The following MSRA variants were observed in gnomAD, a reference collection of about 807,000 sequenced individuals.
MSRA encodes the protein mitochondrial peptide methionine sulfoxide reductase.
In MSRA, 54 loss-of-function variants were observed where a neutral mutation model predicts 31.3. The observed-to-expected ratio is 1.73, with a 90% CI of 1.39 to 2.17. MSRA has a LOEUF of 2.17. MSRA is among the 30% of genes most tolerant of loss of function. The pLI is 0.00. For missense variants in MSRA, 507 were observed against 300.9 expected, an observed-to-expected ratio of 1.69 and a Z score of -5.07; for synonymous variants, 169 against 116.5, an observed-to-expected ratio of 1.45 and a Z score of -2.90.
intron 3 of MSRA, among the ~76,000 whole-genome samples, chr8:10,249,835 A>G (rs1797825535): frequency 6.6e-6 from 1 of 152,218 alleles, no homozygotes; most frequent in African/African-American, 2.4e-5. Flanking sequence ...TGTTTCCTAC[A>G]AGCTCAGCAT....
chr8:10,277,991 T>G (rs1019515785), intron 3 of MSRA, among the ~76,000 whole-genome samples: 3 of 152,226 alleles, frequency 2.0e-5, no homozygotes, highest in Non-Finnish European at 2.9e-5. Context: ...AGGGGCAAGT[T>G]GTAAACCTCT....
At chr8:10,197,219 T>A (rs1270740271) in intron 1 of MSRA, among the ~76,000 whole-genome samples, 2 of 152,224 alleles carry the variant, frequency 1.3e-5, no homozygotes, top group African/African-American at 4.8e-5. Context: ...AAAAGTCAGG[T>A]GGAAAATTTC....
At chr8:10,250,617 C>A in intron 3 of MSRA, 1 of 624,530 alleles carries the variant, frequency 1.6e-6, no homozygotes, top group African/African-American at 1.8e-5. Context: ...TTCAAGCAGG[C>A]TGTTCAGCAG....
chr8:10,100,476 G>T (rs1045419909), intron 1 of MSRA, among the ~76,000 whole-genome samples: 1 of 151,932 alleles, frequency 6.6e-6, no homozygotes, highest in African/African-American at 2.4e-5. Flanking sequence ...GAAGGTCAAA[G>T]GTCTGTGGCC....
In MSRA at chr8:10,393,061, CAAAAAAAAA is replaced by C. The variant is rs768294679; in HGVS notation, c.544-35073_544-35065del. Among the ~76,000 whole-genome samples, 183 of 77,712 alleles carry C rather than the reference CAAAAAAAAA, an allele frequency of 2.4e-3. 1 individual carries two copies. The highest frequency in any genetic ancestry group is 9.5e-3 in the African/African-American group (170 of 17,948). The allele number at this position is 77,712 out of a possible 152,430, so 51.0% of individuals were successfully genotyped here. A position where few individuals can be genotyped will look rare whatever the true frequency, so the allele number is the denominator to read the frequency against. ...TGGACGACTGAGCGAGACTCCGTCT[CAAAAAAAAA>C]AAAAAAAAAAAAAGTTCTGTTGTTT... is the stretch of plus-strand genomic sequence containing the variant. On this transcript the variant is annotated intron_variant, in intron 5 of 5. Transcript: ENST00000317173.
At chr8:10,136,756 C>G (rs1192785850) in intron 1 of MSRA, among the ~76,000 whole-genome samples, 2 of 152,184 alleles carry the variant, frequency 1.3e-5, no homozygotes, top group Non-Finnish European at 2.9e-5. Flanking sequence ...GTCGGGTCCC[C>G]TCCTTGCAGG....
At chr8:10,349,493 C>G (rs1026009497) in intron 5 of MSRA, among the ~76,000 whole-genome samples, 1 of 152,172 alleles carries the variant, frequency 6.6e-6, no homozygotes, top group Non-Finnish European at 1.5e-5. Flanking sequence ...TTTGGTATTG[C>G]TTTTCTCCTC....
chr8:10,407,634 G>C (rs1016219645), intron 5 of MSRA, among the ~76,000 whole-genome samples: 1 of 152,132 alleles, frequency 6.6e-6, no homozygotes, highest in African/African-American at 2.4e-5. Flanking sequence ...GTTTGCACGG[G>C]GTGCGTTTGA....
intron 1 of MSRA, among the ~76,000 whole-genome samples, chr8:10,114,245 C>T (rs1800507598): frequency 6.6e-6 from 1 of 152,024 alleles, no homozygotes; most frequent in Admixed American, 6.6e-5. Context: ...GTTCTTTTTA[C>T]TATTGGGTTG....
chr8:10,130,299 A>G (rs1052647932), intron 1 of MSRA, among the ~76,000 whole-genome samples: 37 of 152,290 alleles, frequency 2.4e-4, no homozygotes, highest in African/African-American at 8.7e-4. Flanking sequence ...CAGGATAACA[A>G]CTTTTCAGGG....
intron 3 of MSRA, among the ~76,000 whole-genome samples, chr8:10,291,636 C>T (rs972673765): frequency 2.0e-5 from 3 of 152,116 alleles, no homozygotes; most frequent in Non-Finnish European, 2.9e-5. Context: ...TTTTGAATCT[C>T]GTGTGGGAAA....
At chr8:10,112,492 G>A (rs1245872196) in intron 1 of MSRA, among the ~76,000 whole-genome samples, 1 of 152,158 alleles carries the variant, frequency 6.6e-6, no homozygotes, top group African/African-American at 2.4e-5. Flanking sequence ...TTTGGAAATT[G>A]TAGCTAATGC....
At chr8:10,373,923 G>A (rs1366058642) in intron 5 of MSRA, among the ~76,000 whole-genome samples, 1 of 152,188 alleles carries the variant, frequency 6.6e-6, no homozygotes, top group Non-Finnish European at 1.5e-5. Flanking sequence ...TCAATATCAT[G>A]GCCATGGGCT....
Position 10,232,807 on chromosome 8 carries a change from A to G in MSRA, c.212-12297A>G, listed in dbSNP as rs1410684382. ...TAAATAAAAACAATCCAGTAGGACT[A>G]TTGGAAAATTCTTACCAAGTAATGA... On this transcript the variant is annotated intron_variant, in intron 2 of 5. Coordinates refer to ENST00000317173, the MANE Select transcript of MSRA (RefSeq NM_012331.5). Among the ~76,000 whole-genome samples the G allele has an allele frequency of 3.9e-5, 6 of 152,244 alleles. No homozygotes were observed. The East Asian group carries it at 1.2e-3, about 29-fold the overall frequency.
rs552947066 is a variant in MSRA at position 10,407,879 on chromosome 8, A to G, written c.544-20269A>G. On this transcript the variant is annotated intron_variant, in intron 5 of 5. Coordinates refer to ENST00000317173, the MANE Select transcript of MSRA (RefSeq NM_012331.5). ...TGGTAATCACATTCTGAAACCTGATAAAGTATCAATTCTGAGAATTTCATT... is the reference window on the plus strand; with the variant it reads ...TGGTAATCACATTCTGAAACCTGATGAAGTATCAATTCTGAGAATTTCATT... 2.0e-5 allele frequency among the ~76,000 whole-genome samples: 3 copies of G among 152,340 alleles called. No homozygotes were observed. In the East Asian group the frequency reaches 5.8e-4, roughly 29 times the overall value.
At chr8:10,218,044 A>AGAGGGCTGATCAGCATCTG (rs1402311969) in intron 2 of MSRA, among the ~76,000 whole-genome samples, 1 of 152,034 alleles carries the variant, frequency 6.6e-6, no homozygotes, top group Non-Finnish European at 1.5e-5. Context: ...ACCGAGAGTG[A>AGAGGGCTGATCAGCATCTG]GAGGGCTGAT....
At chr8:10,415,580 C>G (rs1340937161) in intron 5 of MSRA, among the ~76,000 whole-genome samples, 4 of 152,122 alleles carry the variant, frequency 2.6e-5, no homozygotes, top group Non-Finnish European at 4.4e-5. Flanking sequence ...CCAGCAGCCT[C>G]TCCATCCACC....
intron 1 of MSRA, among the ~76,000 whole-genome samples, chr8:10,132,474 C>G (rs982024215): frequency 6.6e-6 from 1 of 152,144 alleles, no homozygotes; most frequent in Admixed American, 6.5e-5. Flanking sequence ...TATTTCCTCA[C>G]AGTTCTAGAG....
At chr8:10,142,021 C>T (rs753418060) in intron 1 of MSRA, among the ~76,000 whole-genome samples, 5 of 152,154 alleles carry the variant, frequency 3.3e-5, no homozygotes, top group Non-Finnish European at 5.9e-5. Flanking sequence ...TGCAATGGCG[C>T]GATCTTGGCT....
Sources: gnomAD v4.1 joint callset for allele counts (sites outside exome capture counted in the v4.1 genomes callset) on GRCh38, gnomAD v4.1.1 for gene constraint, MANE v1.5 for transcripts, NCBI Gene and HGNC (gene_info 2026-07-23, HGNC 2026-07-21) for gene names.